The following ACADSB variants were observed in gnomAD, a reference collection of about 807,000 sequenced individuals.
ACADSB encodes the protein short/branched chain specific acyl-CoA dehydrogenase, mitochondrial.
A neutral mutation model predicts 54.1 loss-of-function variants in ACADSB; 40 were observed. The ratio of observed to expected loss-of-function variants is 0.74; its 90% CI spans 0.57 to 0.96. ACADSB has a LOEUF of 0.96. Ranked by LOEUF, ACADSB falls within the 40% of genes least tolerant of loss-of-function variation. The pLI is 0.00. For missense variants in ACADSB, 530 were observed against 510.4 expected (o/e 1.04, Z -0.37); for synonymous variants, 182 against 182.8 (o/e 1.00, Z 0.03).
intron 1 of ACADSB, among the ~76,000 whole-genome samples, chr10:123,024,154 A>G (rs1020939440): frequency 3.3e-5 from 5 of 152,250 alleles, no homozygotes; most frequent in Non-Finnish European, 7.3e-5. Context: ...CCATTCCACT[A>G]AAGTGATAGC....
chr10:123,035,872 C>G (rs1415110814), intron 2 of ACADSB, among the ~76,000 whole-genome samples: 1 of 152,176 alleles, frequency 6.6e-6, no homozygotes, highest in Non-Finnish European at 1.5e-5. Context: ...ACCTGTTTCA[C>G]CAGAAAGAGC....
rs1043364173 is a variant in ACADSB at position 123,054,823 on chromosome 10, T to C, written c.*1058T>C. 3.9e-5 allele frequency: 6 copies of C among 152,222 alleles called. No individual in the cohort carries two copies. Among genetic ancestry groups the C allele is most frequent in the Non-Finnish European group, 7.3e-5 (5 of 68,032 alleles). The allele number at this position is 152,222 out of a possible 1,614,324, so 9.4% of individuals were successfully genotyped here. A position where few individuals can be genotyped will look rare whatever the true frequency, so the allele number is the denominator to read the frequency against. ...CAATACAGTGTTGGATATTCTGTCATGCACTATTTTTCAGTTGACAATTTC... is the reference window on the plus strand; with the variant it reads ...CAATACAGTGTTGGATATTCTGTCACGCACTATTTTTCAGTTGACAATTTC... On this transcript the variant is annotated 3_prime_UTR_variant, in exon 11 of 11. Transcript: ENST00000358776.
intron 1 of ACADSB, among the ~76,000 whole-genome samples, chr10:123,019,160 A>G (rs1361671823): frequency 6.6e-6 from 1 of 152,242 alleles, no homozygotes; most frequent in African/African-American, 2.4e-5. Context: ...ACTTCATTTC[A>G]GATAATTGTA....
chr10:123,044,388 T>C lies in ACADSB; in HGVS notation c.808-5T>C. The C allele has an allele frequency of 6.2e-7, 1 of 1,604,492 alleles. No homozygotes were observed. On this transcript the variant is annotated splice_polypyrimidine_tract_variant and splice_region_variant and intron_variant, in intron 6 of 10. Coordinates refer to ENST00000358776, the MANE Select transcript of ACADSB (RefSeq NM_001609.4). ...TGAGAAATAAGTGCACATTTGTATT[T>C]TCAGGTTCCAGAAGCCAATATCTTG...
intron 7 of ACADSB, among the ~76,000 whole-genome samples, chr10:123,045,163 ATATATATATTTTTTTTTTTTTT>A (rs1850542438): frequency 7.6e-5 from 1 of 13,234 alleles, no homozygotes; most frequent in African/African-American, 4.7e-4. Context: ...ATATATATAT[ATATATATATTTTTTTTTTTTTT>A]TTTTTTTTTT....
chr10:123,016,283 G>T (rs4980243), intron 1 of ACADSB, among the ~76,000 whole-genome samples: 86,083 of 152,076 alleles, frequency 0.57, 25,992 homozygotes, highest in Non-Finnish European at 0.69. Context: ...GATTTGGAGA[G>T]ACTCCAGGGA....
At chr10:123,016,833 A>C (rs1049711423) in intron 1 of ACADSB, among the ~76,000 whole-genome samples, 5 of 152,210 alleles carry the variant, frequency 3.3e-5, no homozygotes, top group African/African-American at 1.2e-4. Flanking sequence ...AAAAGCAAAC[A>C]TACAGAATTT....
At chr10:123,050,110 T>A (rs1161437415) in intron 8 of ACADSB, among the ~76,000 whole-genome samples, 1 of 152,222 alleles carries the variant, frequency 6.6e-6, no homozygotes, top group Non-Finnish European at 1.5e-5. Context: ...AAGAGAAGAA[T>A]CTGTAGGGTA....
At chr10:123,049,617 A>G (rs772538193) in intron 8 of ACADSB, among the ~76,000 whole-genome samples, 1 of 152,260 alleles carries the variant, frequency 6.6e-6, no homozygotes, top group Non-Finnish European at 1.5e-5. Flanking sequence ...TGATGGAACA[A>G]AACAGAAAAG....
At chr10:123,046,673 C>A (rs1472270302) in intron 7 of ACADSB, among the ~76,000 whole-genome samples, 1 of 152,218 alleles carries the variant, frequency 6.6e-6, no homozygotes, top group Non-Finnish European at 1.5e-5. Flanking sequence ...TATGGTACAG[C>A]TCGGATTCAG....
chr10:123,048,312 G>C (rs574567961), intron 8 of ACADSB, among the ~76,000 whole-genome samples: 42 of 152,304 alleles, frequency 2.8e-4, no homozygotes, highest in Admixed American at 5.9e-4. Flanking sequence ...AGAGTGGCAG[G>C]CCTGGCCAGT....
chr10:123,018,889 T>C (rs576802334), intron 1 of ACADSB, among the ~76,000 whole-genome samples: 5 of 152,156 alleles, frequency 3.3e-5, no homozygotes, highest in African/African-American at 1.2e-4. Flanking sequence ...TCCCACTGGG[T>C]CCCTCCCATG....
intron 1 of ACADSB, among the ~76,000 whole-genome samples, chr10:123,019,391 A>G (rs1485412159): frequency 6.6e-6 from 1 of 152,212 alleles, no homozygotes; most frequent in Non-Finnish European, 1.5e-5. Flanking sequence ...AGGATTACAT[A>G]ATTGTTTTAA....
chr10:123,034,285 G>T, intron 1 of ACADSB, 71 bp from the exon 2 acceptor site: 1 of 1,489,992 alleles, frequency 6.7e-7, no homozygotes. Flanking sequence ...ATATAAGAAT[G>T]GGTTATAAAG....
rs1238467665 is a variant in ACADSB at position 123,053,683 on chromosome 10, CT to C, written c.1229-8del. ...AACTCCTCATTGTTCCTTCTGCTTC[CT>C]TTTGCTTAAGGTACGATATATGAAG... On this transcript the variant is annotated splice_polypyrimidine_tract_variant and intron_variant, in intron 10 of 10. Coordinates refer to ENST00000358776, the MANE Select transcript of ACADSB (RefSeq NM_001609.4). 7 of 1,611,084 alleles carry C rather than the reference CT, an allele frequency of 4.3e-6. No homozygotes were observed. Among genetic ancestry groups the C allele is most frequent in the Non-Finnish European group, 5.9e-6 (7 of 1,177,252 alleles).
At position 123,044,128 on chromosome 10, in the gene ACADSB, A is replaced by G. The variant is rs146499330; in HGVS notation, c.808-265A>G. ...AAGTATTAATTTATGTTATTGATGA[A>G]TTCTATGAGATTCCCTTACTCTAGA... On this transcript the variant is annotated intron_variant, in intron 6 of 10. Transcript: ENST00000358776. Among the ~76,000 whole-genome samples the G allele has an allele frequency of 3.3e-4, 51 of 152,262 alleles. 1 individual carries two copies. The East Asian group carries it at 8.7e-3, about 26-fold the overall frequency.
At chr10:123,046,998 A>T (rs1284649522) in intron 7 of ACADSB, among the ~76,000 whole-genome samples, 6 of 152,332 alleles carry the variant, frequency 3.9e-5, no homozygotes, top group African/African-American at 1.4e-4. Context: ...TTCACATGAA[A>T]TCACTCAAAA....
At chr10:123,031,582 G>T (rs891162306) in intron 1 of ACADSB, among the ~76,000 whole-genome samples, 5 of 152,174 alleles carry the variant, frequency 3.3e-5, no homozygotes, top group African/African-American at 1.2e-4. Flanking sequence ...ATCAGGCTGT[G>T]CAGTCAAAGG....
intron 1 of ACADSB, among the ~76,000 whole-genome samples, chr10:123,025,668 CA>C (rs1430892613): frequency 6.6e-6 from 1 of 151,810 alleles, no homozygotes; most frequent in Non-Finnish European, 1.5e-5. Flanking sequence ...GAAAAATGGG[CA>C]AAGAACATGA....
Sources: allele counts gnomAD v4.1 joint callset (sites outside exome capture counted in the v4.1 genomes callset), GRCh38; gene constraint gnomAD v4.1.1; transcripts MANE v1.5; gene names NCBI Gene and HGNC (gene_info 2026-07-23, HGNC 2026-07-21).